Variants in COL5A2 observed in about 807,000 individuals in gnomAD.
The protein encoded by COL5A2 is collagen alpha-2(V) chain.
In COL5A2, 23 loss-of-function variants were observed where a neutral mutation model predicts 208.2. That is an observed-to-expected ratio of 0.11 (90% CI 0.08 to 0.16). COL5A2 has a LOEUF of 0.16. Ranked by LOEUF, COL5A2 falls within the 10% of genes least tolerant of loss-of-function variation. The probability of loss-of-function intolerance (pLI) is 1.00; values close to 1 mark genes in which losing one functional copy is unlikely to be tolerated. For missense variants in COL5A2, 1,590 were observed against 1,956.4 expected, an observed-to-expected ratio of 0.81 and a Z score of 3.53; for synonymous variants, 625 against 628.5, an observed-to-expected ratio of 0.99 and a Z score of 0.08.
chr2:189,244,119 TC>T, the COL5A2 span, among the ~76,000 whole-genome samples: 1 of 152,156 alleles, frequency 6.6e-6, no homozygotes, highest in Non-Finnish European at 1.5e-5. Context: ...GCCACAAAAG[TC>T]TCTGTCATGC....
upstream of COL5A2, among the ~76,000 whole-genome samples, chr2:189,226,604 T>C (rs1462103311): frequency 6.6e-6 from 1 of 152,150 alleles, no homozygotes; most frequent in Non-Finnish European, 1.5e-5. Flanking sequence ...GGGAGGTTTT[T>C]GTCTTGCCTG....
At chr2:189,179,369 T>C (rs1454649394) in intron 1 of COL5A2, 139 bp downstream of exon 1, 1 of 922,684 alleles carries the variant, frequency 1.1e-6, no homozygotes, top group East Asian at 2.6e-5. Flanking sequence ...TCAAGTCGTT[T>C]TCCAGGTGCA....
At chr2:189,150,325 A>G (rs984997770) in intron 1 of COL5A2, among the ~76,000 whole-genome samples, 8 of 152,190 alleles carry the variant, frequency 5.3e-5, no homozygotes, top group South Asian at 2.1e-4. Context: ...CTGAGCACAC[A>G]AGGCAAACAG....
the COL5A2 span, among the ~76,000 whole-genome samples, chr2:189,300,099 T>C: frequency 4.3e-4 from 66 of 152,326 alleles, 1 homozygote; most frequent in African/African-American, 1.5e-3. Flanking sequence ...TATACACAGA[T>C]ACCTGAGCCA....
At chr2:189,177,841 A>G (rs886348787) in intron 1 of COL5A2, among the ~76,000 whole-genome samples, 1 of 152,156 alleles carries the variant, frequency 6.6e-6, no homozygotes, top group Non-Finnish European at 1.5e-5. Context: ...TATTTCATGT[A>G]CCTTGTGAAA....
chr2:189,038,651 T>A (rs542297525), intron 51 of COL5A2, among the ~76,000 whole-genome samples: 1 of 152,162 alleles, frequency 6.6e-6, no homozygotes, highest in African/African-American at 2.4e-5. Context: ...CACCAATAAG[T>A]GTATAAGCAT....
At chr2:189,207,922 G>A (rs1390181748) in intron 1 of COL5A2, among the ~76,000 whole-genome samples, 2 of 152,032 alleles carry the variant, frequency 1.3e-5, no homozygotes, top group African/African-American at 2.4e-5. Flanking sequence ...GGGGTCATCC[G>A]CTTTGACTCA....
At chr2:189,087,842 T>TAAAA (rs61206173) in intron 8 of COL5A2, among the ~76,000 whole-genome samples, 11 of 150,738 alleles carry the variant, frequency 7.3e-5, no homozygotes, top group South Asian at 2.1e-4. Flanking sequence ...AAGCTCCATT[T>TAAAA]AAAAAAAACC....
chr2:189,259,906 C>T, the COL5A2 span, among the ~76,000 whole-genome samples: 1 of 152,104 alleles, frequency 6.6e-6, no homozygotes, highest in African/African-American at 2.4e-5. Context: ...GCCACAAGAC[C>T]TTGGTAACCA....
chr2:189,270,055 G>A, the COL5A2 span, among the ~76,000 whole-genome samples: 4 of 152,124 alleles, frequency 2.6e-5, no homozygotes, highest in Non-Finnish European at 5.9e-5. Context: ...ATGGTAGTTT[G>A]TATTTCTGTG....
intron 1 of COL5A2, among the ~76,000 whole-genome samples, chr2:189,206,220 A>G (rs1689141617): frequency 6.6e-6 from 1 of 152,196 alleles, no homozygotes; most frequent in Non-Finnish European, 1.5e-5. Flanking sequence ...ATAATCACAT[A>G]AACAAATGGC....
chr2:189,052,255 T>C (rs1385224671), intron 40 of COL5A2, 30 bp from the exon 41 acceptor site: 2 of 1,604,780 alleles, frequency 1.2e-6, no homozygotes, highest in East Asian at 2.2e-5. Context: ...TAAGCAATTT[T>C]TAAGGTAATA....
At position 189,060,278 on chromosome 2, in the gene COL5A2, C is replaced by G. The variant is rs73978816; in HGVS notation, c.2085+452G>C. 9.2e-3 allele frequency among the ~76,000 whole-genome samples: 1,406 copies of G among 152,236 alleles called. 22 individuals are homozygous for G. The highest frequency in any genetic ancestry group is 0.032 in the African/African-American group (1,347 of 41,528). ...TACTATACTGTAAGGACAGCAAGGT[C>G]CAAATCCATTTTGTTCAGCTGGTTC... On this transcript the variant is annotated intron_variant, in intron 31 of 53. Coordinates refer to ENST00000374866, the MANE Select transcript of COL5A2 (RefSeq NM_000393.5).
chr2:189,105,189 C>T (rs942949179), intron 2 of COL5A2, among the ~76,000 whole-genome samples: 3 of 151,678 alleles, frequency 2.0e-5, no homozygotes, highest in Non-Finnish European at 3.0e-5. Context: ...GTAATTGTTA[C>T]GTATACGCTA....
At chr2:189,429,823 C>T in the COL5A2 span, among the ~76,000 whole-genome samples, 122,010 of 152,132 alleles carry the variant, frequency 0.8, 50,425 homozygotes, top group Non-Finnish European at 0.91. Flanking sequence ...ACATTTATAA[C>T]TCCTTCTTGT....
At chr2:189,435,381 G>T in the COL5A2 span, among the ~76,000 whole-genome samples, 3 of 152,120 alleles carry the variant, frequency 2.0e-5, no homozygotes, top group African/African-American at 7.2e-5. Context: ...CCATCAGAGT[G>T]AACAGGCAAC....
intron 5 of COL5A2, among the ~76,000 whole-genome samples, chr2:189,098,509 A>C (rs1014116755): frequency 6.6e-6 from 1 of 152,248 alleles, no homozygotes; most frequent in Non-Finnish European, 1.5e-5. Flanking sequence ...AGCAAGACTA[A>C]CATAATGTTT....
At chr2:189,324,445 C>T in the COL5A2 span, among the ~76,000 whole-genome samples, 2 of 152,080 alleles carry the variant, frequency 1.3e-5, no homozygotes, top group African/African-American at 4.8e-5. Flanking sequence ...CCAGAATCTA[C>T]AAAGAACTCA....
chr2:189,314,341 T>C, the COL5A2 span, among the ~76,000 whole-genome samples: 1 of 152,138 alleles, frequency 6.6e-6, no homozygotes, highest in African/African-American at 2.4e-5. Context: ...GAAATGACTT[T>C]TGGTTAAATA....
Sources: allele counts gnomAD v4.1 joint callset (sites outside exome capture counted in the v4.1 genomes callset), GRCh38; gene constraint gnomAD v4.1.1; transcripts MANE v1.5; gene names NCBI Gene and HGNC (gene_info 2026-07-23, HGNC 2026-07-21).